The following PTPRG variants were observed in gnomAD, a reference collection of about 807,000 sequenced individuals.
PTPRG encodes receptor-type tyrosine-protein phosphatase gamma.
Under a neutral mutation model 165.3 loss-of-function variants are expected in PTPRG, and 102 were observed. The ratio of observed to expected loss-of-function variants is 0.62; its 90% CI spans 0.53 to 0.73. The LOEUF (loss-of-function observed/expected upper bound fraction) is 0.73. PTPRG is among the 30% of genes least tolerant of loss of function. PTPRG has a pLI of 0.00. For synonymous variants in PTPRG, 675 were observed against 669.5 expected (o/e 1.01, Z -0.13); for missense variants, 1,866 against 1,861.4 (o/e 1.00, Z -0.05).
chr3:61,993,448 A>T (rs1030385189), intron 3 of PTPRG, among the ~76,000 whole-genome samples: 1 of 151,908 alleles, frequency 6.6e-6, no homozygotes, highest in African/African-American at 2.4e-5. Context: ...CGAACTCCCA[A>T]CCTCAGGTGA....
intron 2 of PTPRG, among the ~76,000 whole-genome samples, chr3:61,807,960 G>A (rs2035465769): frequency 6.6e-6 from 1 of 152,180 alleles, no homozygotes; most frequent in Non-Finnish European, 1.5e-5. Flanking sequence ...GGGGCATCCA[G>A]TACTTGTGGT....
chr3:62,182,370 A>G (rs138695807), intron 8 of PTPRG, among the ~76,000 whole-genome samples: 55 of 152,380 alleles, frequency 3.6e-4, no homozygotes, highest in African/African-American at 1.3e-3. Context: ...TTTGTTGCCA[A>G]CATTTAAAAT....
intron 2 of PTPRG, chr3:61,770,274 A>G (rs2034168791): frequency 6.6e-6 from 1 of 152,152 alleles, no homozygotes; most frequent in Non-Finnish European, 1.5e-5. Context: ...ATGTGAATGA[A>G]TAATTTAGGG....
chr3:62,202,731 C>G (rs1700124356), intron 11 of PTPRG, among the ~76,000 whole-genome samples: 1 of 152,204 alleles, frequency 6.6e-6, no homozygotes, highest in African/African-American at 2.4e-5. Flanking sequence ...CAGTATCTTT[C>G]CAGACCTAGA....
chr3:62,046,171 TA>T (rs1270602575), intron 4 of PTPRG, among the ~76,000 whole-genome samples: 21 of 152,294 alleles, frequency 1.4e-4, no homozygotes, highest in African/African-American at 4.8e-4. Flanking sequence ...AGGCCAGTTA[TA>T]ACCTGTTAGG....
intron 4 of PTPRG, among the ~76,000 whole-genome samples, chr3:62,044,867 C>T (rs1011815322): frequency 6.6e-6 from 1 of 152,078 alleles, no homozygotes; most frequent in African/African-American, 2.4e-5. Flanking sequence ...GCCCTTAATA[C>T]TTGATGGATT....
In PTPRG at chr3:62,190,077, C is replaced by T. The variant is rs535914525; in HGVS notation, c.1034-1392C>T. Reference sequence around the variant, plus strand: ...CTCCTCTCCCTCCATCCTGTCCTGGCGTGCAGTGATGGCTCTGCGCATGGG... The same window carrying T: ...CTCCTCTCCCTCCATCCTGTCCTGGTGTGCAGTGATGGCTCTGCGCATGGG... On this transcript the variant is annotated intron_variant, in intron 8 of 29. Transcript: ENST00000474889. The surrounding 1 kb of genome is among the most constrained non-coding windows in gnomAD (Gnocchi z 5.2). Among the ~76,000 whole-genome samples the T allele has an allele frequency of 2.0e-5, 3 of 152,190 alleles. No individual in the cohort carries two copies. Among genetic ancestry groups the T allele is most frequent in the Admixed American group, 6.5e-5 (1 of 15,278 alleles).
intron 1 of PTPRG, among the ~76,000 whole-genome samples, chr3:61,684,875 G>A (rs1284128331): frequency 1.3e-5 from 2 of 152,180 alleles, no homozygotes; most frequent in African/African-American, 4.8e-5. Context: ...ATGGGGTGGT[G>A]AAGATGATCG....
chr3:62,057,542 G>T (rs895026805), intron 4 of PTPRG, among the ~76,000 whole-genome samples: 3 of 152,138 alleles, frequency 2.0e-5, no homozygotes, highest in Non-Finnish European at 4.4e-5. Flanking sequence ...CAGTAATGTG[G>T]TTGTGTACAC....
At chr3:62,236,076 ATAC>A (rs1256772637) in intron 14 of PTPRG, among the ~76,000 whole-genome samples, 1 of 152,230 alleles carries the variant, frequency 6.6e-6, no homozygotes, top group East Asian at 1.9e-4. Context: ...TCCGGAAGAG[ATAC>A]TACAAGTGTA....
chr3:61,814,115 G>A (rs13086119), intron 2 of PTPRG, among the ~76,000 whole-genome samples: 10,706 of 152,168 alleles, frequency 0.07, 509 homozygotes, highest in Middle Eastern at 0.12. Flanking sequence ...TAGCCAGGCT[G>A]GTCTCGAACT....
intron 2 of PTPRG, among the ~76,000 whole-genome samples, chr3:61,943,074 T>A (rs2039673068): frequency 6.6e-6 from 1 of 152,190 alleles, no homozygotes; most frequent in African/African-American, 2.4e-5. Flanking sequence ...TCAAGTGAAT[T>A]GTGTATAAGT....
At chr3:62,234,515 C>T (rs1224256439) in intron 14 of PTPRG, among the ~76,000 whole-genome samples, 1 of 151,972 alleles carries the variant, frequency 6.6e-6, no homozygotes, top group East Asian at 1.9e-4. Context: ...GGCCTTTTTA[C>T]TAACCTCATA....
At chr3:61,893,353 A>G (rs2038267414) in intron 2 of PTPRG, among the ~76,000 whole-genome samples, 1 of 152,238 alleles carries the variant, frequency 6.6e-6, no homozygotes, top group African/African-American at 2.4e-5. Context: ...ATTGAGCCCC[A>G]GGTACTGTTA....
Position 61,746,634 on chromosome 3 carries a change from ATC to A in PTPRG, c.86-2238_86-2237del, listed in dbSNP as rs1300158880. ...CTAATACCTTCAGGAAGGAAGAAGA[ATC>A]TCTCTGACTGGCCAGTGTGCCCATA... is the stretch of plus-strand genomic sequence containing the variant. On this transcript the variant is annotated intron_variant, in intron 1 of 29. Transcript: ENST00000474889. Among the ~76,000 whole-genome samples the A allele has an allele frequency of 8.5e-5, 13 of 152,170 alleles. No individual in the cohort carries two copies. In the East Asian group the frequency reaches 2.3e-3, roughly 27 times the overall value.
At chr3:62,090,975 C>G (rs1199794771) in intron 5 of PTPRG, among the ~76,000 whole-genome samples, 1 of 152,192 alleles carries the variant, frequency 6.6e-6, no homozygotes, top group Admixed American at 6.5e-5. Flanking sequence ...TTGCTGCGAA[C>G]TTCAAATGAG....
chr3:61,717,867 C>T (rs1454852745), intron 1 of PTPRG, among the ~76,000 whole-genome samples: 4 of 151,902 alleles, frequency 2.6e-5, no homozygotes, highest in Non-Finnish European at 5.9e-5. Flanking sequence ...ACTGTTTCAC[C>T]CAGACATATA....
At chr3:61,702,426 A>G (rs1277039454) in intron 1 of PTPRG, among the ~76,000 whole-genome samples, 1 of 152,270 alleles carries the variant, frequency 6.6e-6, no homozygotes, top group Non-Finnish European at 1.5e-5. Flanking sequence ...GAAATAAAGT[A>G]ACTGACTGTA....
intron 6 of PTPRG, among the ~76,000 whole-genome samples, chr3:62,139,164 G>C (rs1290603263): frequency 1.3e-5 from 2 of 152,122 alleles, no homozygotes; most frequent in African/African-American, 2.4e-5. Flanking sequence ...GAGGGGGACA[G>C]TCAGAAATTG....
Sources: gnomAD v4.1 joint callset for allele counts (sites outside exome capture counted in the v4.1 genomes callset) on GRCh38, gnomAD v4.1.1 for gene constraint, Gnocchi (gnomAD v3.1) non-coding constraint, MANE v1.5 for transcripts, NCBI Gene and HGNC (gene_info 2026-07-23, HGNC 2026-07-21) for gene names.